SYNPR: variants seen among roughly 807,000 people sequenced by gnomAD.
SYNPR encodes the protein synaptoporin.
In SYNPR, 23 loss-of-function variants were observed where a neutral mutation model predicts 32.9. The observed-to-expected ratio is 0.70, with a 90% CI of 0.50 to 0.99. The LOEUF is 0.99. Among genes scored for constraint, SYNPR ranks in the 50% least tolerant of loss-of-function variants. The pLI is 0.00. For missense variants in SYNPR, 318 were observed against 349.3 expected, an observed-to-expected ratio of 0.91 and a Z score of 0.71; for synonymous variants, 146 against 135.9, an observed-to-expected ratio of 1.07 and a Z score of -0.52.
chr3:63,412,676 G>A (rs879027255), intron 2 of SYNPR, among the ~76,000 whole-genome samples: 3 of 152,122 alleles, frequency 2.0e-5, no homozygotes, highest in Admixed American at 2.0e-4. Flanking sequence ...ATGGAAGCAG[G>A]CACTGTTCTT....
At chr3:63,239,849 C>T (rs2086228207) in intron 1 of SYNPR, among the ~76,000 whole-genome samples, 1 of 149,844 alleles carries the variant, frequency 6.7e-6, no homozygotes, top group Non-Finnish European at 1.5e-5. Context: ...TCATCTATCC[C>T]ACCATTGTCA....
intron 3 of SYNPR, among the ~76,000 whole-genome samples, chr3:63,513,523 G>A (rs1179080767): frequency 6.6e-6 from 1 of 152,090 alleles, no homozygotes; most frequent in African/African-American, 2.4e-5. Flanking sequence ...CAAGTCCCCT[G>A]TTGATGGAAG....
At chr3:63,609,456 G>T in intron 5 of SYNPR, 140 bp downstream of exon 5, 2 of 648,612 alleles carry the variant, frequency 3.1e-6, no homozygotes, top group South Asian at 2.9e-5. Context: ...TTCACCTCAG[G>T]TACAGGATGA....
chr3:63,313,960 CATATATATATATCCAT>C (rs2087009429), intron 2 of SYNPR, among the ~76,000 whole-genome samples: 5 of 1,620 alleles, frequency 3.1e-3, no homozygotes, highest in Non-Finnish European at 4.3e-3. Flanking sequence ...TATATATATC[CATATATATATATCCAT>C]ATATATATAT....
chr3:63,589,599 TATCC>T (rs1204841160), intron 4 of SYNPR, among the ~76,000 whole-genome samples: 1 of 150,876 alleles, frequency 6.6e-6, no homozygotes, highest in African/African-American at 2.4e-5. Context: ...TCAAAAAGCT[TATCC>T]ACCATGATCA....
intron 2 of SYNPR, among the ~76,000 whole-genome samples, chr3:63,368,201 T>C (rs1197843426): frequency 2.6e-5 from 4 of 152,194 alleles, no homozygotes; most frequent in Admixed American, 1.3e-4. Context: ...CTGAGAACTA[T>C]GCACGTTTCA....
At chr3:63,220,838 A>G in the SYNPR span, among the ~76,000 whole-genome samples, 1 of 152,166 alleles carries the variant, frequency 6.6e-6, no homozygotes, top group Non-Finnish European at 1.5e-5. Flanking sequence ...CTTGTTCTCC[A>G]GGCCTAGAGC....
intron 4 of SYNPR, among the ~76,000 whole-genome samples, chr3:63,570,679 A>T (rs1702871290): frequency 6.6e-6 from 1 of 152,064 alleles, no homozygotes; most frequent in Non-Finnish European, 1.5e-5. Flanking sequence ...AAGATATGTG[A>T]TTTCTCCCTC....
At chr3:63,463,969 A>C (rs1700635013) in intron 2 of SYNPR, among the ~76,000 whole-genome samples, 2 of 152,038 alleles carry the variant, frequency 1.3e-5, no homozygotes, top group Admixed American at 6.6e-5. Context: ...CTTTTTTCGT[A>C]ACATTTAGTT....
intron 3 of SYNPR, among the ~76,000 whole-genome samples, chr3:63,497,106 T>A (rs1245636308): frequency 3.3e-5 from 5 of 152,024 alleles, no homozygotes; most frequent in Non-Finnish European, 7.4e-5. Flanking sequence ...TCACACAGAG[T>A]CACACTGCAG....
rs1560220886 is a variant in SYNPR, at chr3:63,408,202, A to AAAGAAAG, written c.85-72629_85-72628insAGAAAGA. ...AGAAAGAAAGAAAGAAAGAGGAAGG[A>AAAGAAAG]AGGAAGGAAGGAAGGAAGGAAGGAA... On this transcript the variant is annotated intron_variant, in intron 2 of 5. Transcript: ENST00000478300. Among the ~76,000 whole-genome samples the AAAGAAAG allele has an allele frequency of 2.5e-4, 13 of 52,184 alleles. 1 individual carries two copies. The highest frequency in any genetic ancestry group is 1.6e-3 in the South Asian group (2 of 1,214). 34.2% of individuals were successfully genotyped at this position (52,184 alleles called of 152,430 possible).
At chr3:63,554,913 T>C (rs941728406) in intron 3 of SYNPR, among the ~76,000 whole-genome samples, 1 of 152,144 alleles carries the variant, frequency 6.6e-6, no homozygotes, top group African/African-American at 2.4e-5. Context: ...TAGTTCTCCT[T>C]GTAGAGATCT....
At chr3:63,338,762 C>T (rs2087325873) in intron 2 of SYNPR, among the ~76,000 whole-genome samples, 1 of 152,180 alleles carries the variant, frequency 6.6e-6, no homozygotes, top group African/African-American at 2.4e-5. Flanking sequence ...CCATGCTGTC[C>T]CCAATGAGCA....
intron 2 of SYNPR, among the ~76,000 whole-genome samples, chr3:63,450,105 G>T (rs1042833219): frequency 6.6e-6 from 1 of 152,164 alleles, no homozygotes. Context: ...AGATCTACAG[G>T]CTTGGCTTTC....
intron 1 of SYNPR, among the ~76,000 whole-genome samples, chr3:63,245,713 GTGTGTGTGTGTGTGTGTGTGTGTGTGTA>G (rs1187837463): frequency 9.6e-4 from 39 of 40,716 alleles, no homozygotes; most frequent in Non-Finnish European, 1.4e-3. Context: ...GAGAGAGAGT[GTGTGTGTGTGTGTGTGTGTGTGTGTGTA>G]TGTGTGTGTG....
intron 2 of SYNPR, among the ~76,000 whole-genome samples, chr3:63,399,816 T>G (rs2088265285): frequency 6.6e-6 from 1 of 152,210 alleles, no homozygotes; most frequent in East Asian, 1.9e-4. Flanking sequence ...GCATCTTGTC[T>G]TTGTATTGAA....
intron 2 of SYNPR, chr3:63,445,558 CAAGAGTCATTTCCATTTAGT>C (rs1359180565): frequency 1.4e-6 from 1 of 700,942 alleles, no homozygotes; most frequent in African/African-American, 1.7e-5. Context: ...ATGAAGAATG[CAAGAGTCATTTCCATTTAGT>C]AAGTACATCC....
At chr3:63,446,201 A>G (rs1700273107) in intron 2 of SYNPR, among the ~76,000 whole-genome samples, 1 of 152,162 alleles carries the variant, frequency 6.6e-6, no homozygotes, top group African/African-American at 2.4e-5. Flanking sequence ...TTGGTGCAAA[A>G]TATAAAAAGC....
intron 3 of SYNPR, among the ~76,000 whole-genome samples, chr3:63,532,597 G>T (rs767031699): frequency 1.2e-4 from 18 of 152,186 alleles, no homozygotes; most frequent in Non-Finnish European, 2.2e-4. Context: ...TCCTTTTAGA[G>T]AAAATAAGCC....
Sources: gnomAD v4.1 joint callset for allele counts (sites outside exome capture counted in the v4.1 genomes callset) on GRCh38, gnomAD v4.1.1 for gene constraint, MANE v1.5 for transcripts, NCBI Gene and HGNC (gene_info 2026-07-23, HGNC 2026-07-21) for gene names.